The following SGCD variants were observed in gnomAD, a reference collection of about 807,000 sequenced individuals.
SGCD encodes delta-sarcoglycan.
In SGCD, 18 loss-of-function variants were observed where a neutral mutation model predicts 36.6. That is an observed-to-expected ratio of 0.49 (90% CI 0.34 to 0.73). SGCD has a LOEUF of 0.73. SGCD is among the 30% of genes least tolerant of loss of function. The pLI, the probability that SGCD is intolerant of heterozygous loss-of-function variation, is 0.01. For missense variants in SGCD, 387 were observed against 346.7 expected (o/e 1.12, Z -0.92); for synonymous variants, 133 against 130.6 (o/e 1.02, Z -0.12).
chr5:156,519,033 A>T (rs1429825949), intron 4 of SGCD, among the ~76,000 whole-genome samples: 1 of 152,144 alleles, frequency 6.6e-6, no homozygotes, highest in East Asian at 1.9e-4. Context: ...GACACAAAAA[A>T]AATTCAAAAA....
chr5:156,567,227 T>C (rs1759515845), intron 4 of SGCD, among the ~76,000 whole-genome samples: 2 of 152,082 alleles, frequency 1.3e-5, no homozygotes, highest in African/African-American at 4.8e-5. Context: ...TTTCAATATA[T>C]TTACTACCTT....
chr5:156,397,285 CA>C (rs1335192827), intron 3 of SGCD, among the ~76,000 whole-genome samples: 1 of 152,066 alleles, frequency 6.6e-6, no homozygotes, highest in Non-Finnish European at 1.5e-5. Context: ...TATAAAGGAT[CA>C]AAGAGTAAAA....
chr5:156,675,427 G>C (rs1427338292), intron 7 of SGCD, among the ~76,000 whole-genome samples: 1 of 152,142 alleles, frequency 6.6e-6, no homozygotes, highest in African/African-American at 2.4e-5. Context: ...TCAGCAACAG[G>C]TTAATAGCCT....
intron 7 of SGCD, among the ~76,000 whole-genome samples, chr5:156,741,093 C>G (rs980500382): frequency 2.6e-5 from 4 of 152,114 alleles, no homozygotes; most frequent in Non-Finnish European, 5.9e-5. Flanking sequence ...TATTATTTGG[C>G]TTTTATGATG....
At chr5:156,164,351 C>T (rs554111130) in intron 3 of SGCD, among the ~76,000 whole-genome samples, 6 of 147,954 alleles carry the variant, frequency 4.1e-5, no homozygotes, top group Admixed American at 1.3e-4. Flanking sequence ...ATTCTCCTTT[C>T]ATTGGATTTT....
chr5:155,738,732 G>C, the SGCD span, among the ~76,000 whole-genome samples: 4 of 150,350 alleles, frequency 2.7e-5, no homozygotes, highest in Non-Finnish European at 5.9e-5. Flanking sequence ...GTGTGTGTGA[G>C]AGAGTGTGTG....
At chr5:156,427,795 C>T (rs1773740932) in intron 3 of SGCD, among the ~76,000 whole-genome samples, 1 of 152,140 alleles carries the variant, frequency 6.6e-6, no homozygotes, top group African/African-American at 2.4e-5. Context: ...TTGAGATGAT[C>T]ATATGATTTT....
At chr5:156,386,351 G>A (rs1771277779) in intron 3 of SGCD, among the ~76,000 whole-genome samples, 1 of 152,198 alleles carries the variant, frequency 6.6e-6, no homozygotes, top group Non-Finnish European at 1.5e-5. Flanking sequence ...ATTAAAGTAG[G>A]TGATGAGGAT....
the SGCD span, among the ~76,000 whole-genome samples, chr5:155,755,892 T>C: frequency 6.6e-6 from 1 of 152,174 alleles, no homozygotes; most frequent in Admixed American, 6.5e-5. Flanking sequence ...AGATGAATGG[T>C]TTTTGTCTTC....
At chr5:156,111,104 A>G (rs1319152883) in intron 1 of SGCD, among the ~76,000 whole-genome samples, 3 of 152,208 alleles carry the variant, frequency 2.0e-5, no homozygotes, top group Non-Finnish European at 2.9e-5. Context: ...TATGAATGAG[A>G]AAAAAGAAGA....
At chr5:155,866,458 C>A (rs893470026), upstream of SGCD, among the ~76,000 whole-genome samples, 8 of 152,200 alleles carry the variant, frequency 5.3e-5, no homozygotes, top group African/African-American at 1.7e-4. Context: ...CTGATAAAAT[C>A]TGAAGATATT....
intron 7 of SGCD, among the ~76,000 whole-genome samples, chr5:156,655,689 G>C (rs561159202): frequency 6.6e-6 from 1 of 152,160 alleles, no homozygotes; most frequent in African/African-American, 2.4e-5. Flanking sequence ...GACTATACTT[G>C]AAATTATACC....
At chr5:155,985,423 CGT>C (rs1758311492) in intron 1 of SGCD, among the ~76,000 whole-genome samples, 1 of 152,164 alleles carries the variant, frequency 6.6e-6, no homozygotes, top group African/African-American at 2.4e-5. Flanking sequence ...TTCCCTTCTG[CGT>C]CGTCCTCTAA....
chr5:156,749,942 T>A (rs1421322934), intron 7 of SGCD, among the ~76,000 whole-genome samples: 1 of 151,908 alleles, frequency 6.6e-6, no homozygotes, highest in East Asian at 1.9e-4. Flanking sequence ...CACACTCTTT[T>A]ATGAATACAG....
At chr5:156,577,316 T>C (rs972345508) in intron 4 of SGCD, among the ~76,000 whole-genome samples, 6 of 152,250 alleles carry the variant, frequency 3.9e-5, no homozygotes, top group Non-Finnish European at 8.8e-5. Context: ...TTTTGGTTGC[T>C]GTAGCCTTGT....
intron 3 of SGCD, among the ~76,000 whole-genome samples, chr5:156,178,214 A>C (rs1316759665): frequency 6.6e-6 from 1 of 152,202 alleles, no homozygotes; most frequent in African/African-American, 2.4e-5. Context: ...CAAAGTGAAA[A>C]AAAAAATCAT....
chr5:155,961,845 C>T (rs907093330), intron 1 of SGCD, among the ~76,000 whole-genome samples: 2 of 151,716 alleles, frequency 1.3e-5, no homozygotes, highest in African/African-American at 4.8e-5. Context: ...TGCATGAAAA[C>T]AGAATAGTAC....
At chr5:156,401,222 G>A (rs1772126986) in intron 3 of SGCD, among the ~76,000 whole-genome samples, 1 of 152,180 alleles carries the variant, frequency 6.6e-6, no homozygotes, top group Non-Finnish European at 1.5e-5. Context: ...TATGGAAAGG[G>A]CAGCTATGAA....
At chr5:156,693,473 G>A (rs866235591) in intron 7 of SGCD, among the ~76,000 whole-genome samples, 4 of 151,958 alleles carry the variant, frequency 2.6e-5, no homozygotes, top group South Asian at 2.1e-4. Flanking sequence ...TTTCACAATC[G>A]TTTAATTTTT....
Sources: allele counts gnomAD v4.1 joint callset (sites outside exome capture counted in the v4.1 genomes callset), GRCh38; gene constraint gnomAD v4.1.1; transcripts MANE v1.5; gene names NCBI Gene and HGNC (gene_info 2026-07-23, HGNC 2026-07-21).